The following DUSP29 variants were observed in gnomAD, a reference collection of about 807,000 sequenced individuals.
The protein encoded by DUSP29 is atypical dual-specific protein phosphatase.
A neutral mutation model predicts 13.5 loss-of-function variants in DUSP29; 12 were observed. The observed-to-expected ratio is 0.89, with a 90% CI of 0.57 to 1.44. DUSP29 has a LOEUF of 1.44. Among genes scored for constraint, DUSP29 ranks in the 40% most tolerant of loss-of-function variants. DUSP29 has a pLI of 0.00. For synonymous variants in DUSP29, 134 were observed against 128.7 expected (o/e 1.04, Z -0.28); for missense variants, 308 against 301.1 (o/e 1.02, Z -0.17).
Position 75,037,719 on chromosome 10 carries a change from T to G in DUSP29, c.*117A>C. 3 of 1,472,830 alleles carry G rather than the reference T, an allele frequency of 2.0e-6. No individual in the cohort carries two copies. The highest frequency in any genetic ancestry group is 2.7e-6 in the Non-Finnish European group (3 of 1,107,204). The allele number at this position is 1,472,830 out of a possible 1,614,324, so 91.2% of individuals were successfully genotyped here. On this transcript the variant is annotated 3_prime_UTR_variant, in exon 4 of 4. Coordinates refer to ENST00000338487, the MANE Select transcript of DUSP29 (RefSeq NM_001003892.3). ...GCACACATGGGGAAGTTGAACAAGATGGTTTGGAAGAGTCGAGCTTCGGTT... is the reference window on the plus strand; with the variant it reads ...GCACACATGGGGAAGTTGAACAAGAGGGTTTGGAAGAGTCGAGCTTCGGTT...
chr10:75,054,264 G>A (rs892862458), intron 2 of DUSP29, among the ~76,000 whole-genome samples: 11 of 152,016 alleles, frequency 7.2e-5, no homozygotes, highest in Non-Finnish European at 1.5e-4. Flanking sequence ...CCATTTCTAG[G>A]GTCAGATCTA....
At chr10:75,063,224 AT>A (rs1453497620) in intron 1 of DUSP29, among the ~76,000 whole-genome samples, 4 of 152,106 alleles carry the variant, frequency 2.6e-5, no homozygotes, top group Non-Finnish European at 4.4e-5. Flanking sequence ...TATTTTTATG[AT>A]CCTCATAGAT....
chr10:75,045,842 G>T (rs1001006106), intron 2 of DUSP29, among the ~76,000 whole-genome samples: 3 of 152,194 alleles, frequency 2.0e-5, no homozygotes, highest in Non-Finnish European at 4.4e-5. Context: ...AGACAAGGTG[G>T]CTCACACCTG....
chr10:75,053,354 G>T (rs1029446853), intron 2 of DUSP29, among the ~76,000 whole-genome samples: 1 of 152,146 alleles, frequency 6.6e-6, no homozygotes, highest in Non-Finnish European at 1.5e-5. Flanking sequence ...CAAAAGTCGA[G>T]CCTAGATCCA....
At chr10:75,058,198 T>C (rs1013267904) in intron 2 of DUSP29, 117 bp downstream of exon 2, 14 of 1,244,310 alleles carry the variant, frequency 1.1e-5, no homozygotes, top group South Asian at 9.1e-5. Context: ...CCCTAACTAA[T>C]TGAGTTCTCA....
At chr10:75,066,256 G>C (rs1052043282) in intron 1 of DUSP29, among the ~76,000 whole-genome samples, 1 of 152,178 alleles carries the variant, frequency 6.6e-6, no homozygotes, top group South Asian at 2.1e-4. Context: ...GAATAGCCAC[G>C]AGATTACTGA....
chr10:75,070,256 A>G (rs1291012484), intron 1 of DUSP29, among the ~76,000 whole-genome samples: 1 of 152,154 alleles, frequency 6.6e-6, no homozygotes, highest in African/African-American at 2.4e-5. Context: ...AATAGGACTC[A>G]ACCCAACAGC....
In DUSP29 at chr10:75,044,070, G is replaced by A. The variant is rs1022261434; in HGVS notation, c.201-53C>T. ...GCGCGCGGCGCCCTGCCCCGGGTCC[G>A]GGAAACTCAGGGGCCACCCACGCTT... is the stretch of plus-strand genomic sequence containing the variant. On this transcript the variant is annotated intron_variant, in intron 2 of 3. Coordinates refer to ENST00000338487, the MANE Select transcript of DUSP29 (RefSeq NM_001003892.3). 4.6e-6 allele frequency: 7 copies of A among 1,528,596 alleles called. No individual in the cohort carries two copies. In the Admixed American group the frequency reaches 7.5e-5, roughly 16 times the overall value. The allele number at this position is 1,528,596 out of a possible 1,614,324, so 94.7% of individuals were successfully genotyped here.
chr10:75,071,979 G>A (rs918676134), intron 1 of DUSP29, among the ~76,000 whole-genome samples: 2 of 152,220 alleles, frequency 1.3e-5, no homozygotes, highest in African/African-American at 2.4e-5. Context: ...GGAATGATGC[G>A]GAGTTTGGCC....
rs765683936 is a variant in DUSP29, at chr10:75,044,006, A to T, written c.212T>A (p.Leu71Gln). ...KLYIGDEATA[L>Q]DRYRLQKAGF... ...CGCCTTCTGCAGCCTATAGCGGTCCAGCGCCGTCGCCCTGGGCGCAGGGGA... is the reference window on the plus strand; with the variant it reads ...CGCCTTCTGCAGCCTATAGCGGTCCTGCGCCGTCGCCCTGGGCGCAGGGGA... The change falls in exon 3 of 4, where the codon CTG becomes CAG. Residue 71 changes from leucine to glutamine, a missense_variant. Transcript: ENST00000338487. 4 of 1,609,948 alleles carry T rather than the reference A, an allele frequency of 2.5e-6. No individual in the cohort carries two copies. The highest frequency in any genetic ancestry group is 3.4e-6 in the Non-Finnish European group (4 of 1,178,872).
At chr10:75,042,643 T>C (rs972120913) in intron 3 of DUSP29, among the ~76,000 whole-genome samples, 2 of 152,234 alleles carry the variant, frequency 1.3e-5, no homozygotes, top group East Asian at 3.8e-4. Context: ...AAATTGTTGG[T>C]GGCTATGGTT....
intron 2 of DUSP29, among the ~76,000 whole-genome samples, chr10:75,048,506 TCTC>T (rs1846752129): frequency 2.0e-5 from 3 of 151,932 alleles, no homozygotes; most frequent in Admixed American, 2.0e-4. Context: ...TTCAAGCAAT[TCTC>T]CTGCCTCAGC....
chr10:75,045,260 C>T (rs1846681716), intron 2 of DUSP29, among the ~76,000 whole-genome samples: 1 of 152,158 alleles, frequency 6.6e-6, no homozygotes, highest in Admixed American at 6.6e-5. Context: ...GTCCCAGCTA[C>T]TTGGGAGGCT....
chr10:75,067,355 C>T (rs186503218), intron 1 of DUSP29, among the ~76,000 whole-genome samples: 5 of 152,268 alleles, frequency 3.3e-5, no homozygotes, highest in Admixed American at 2.0e-4. Context: ...AAATCCACCT[C>T]GGAGTAGGGG....
At chr10:75,042,738 C>G (rs1298758720) in intron 3 of DUSP29, among the ~76,000 whole-genome samples, 1 of 152,242 alleles carries the variant, frequency 6.6e-6, no homozygotes, top group Non-Finnish European at 1.5e-5. Context: ...CCCCAGGTTG[C>G]AAGTTCCTGC....
At chr10:75,053,093 T>G (rs1005817945) in intron 2 of DUSP29, among the ~76,000 whole-genome samples, 1 of 152,226 alleles carries the variant, frequency 6.6e-6, no homozygotes, top group South Asian at 2.1e-4. Context: ...TGGCCCACCA[T>G]GGACTGCATT....
Position 75,067,240 on chromosome 10 carries a change from G to A in DUSP29, c.-35+6329C>T, listed in dbSNP as rs147028390. ...CTTCCAGAGTGCTGGGATTACAGGCGTGAGCCACTGCACCCGGCCTGAATT... is the reference window on the plus strand; with the variant it reads ...CTTCCAGAGTGCTGGGATTACAGGCATGAGCCACTGCACCCGGCCTGAATT... On this transcript the variant is annotated intron_variant, in intron 1 of 3. Transcript: ENST00000338487. Among the ~76,000 whole-genome samples the A allele has an allele frequency of 7.0e-3, 1,070 of 152,174 alleles. 7 individuals are homozygous for A. Among genetic ancestry groups the A allele is most frequent in the South Asian group, 0.012 (56 of 4,816 alleles).
chr10:75,037,771 GC>G lies in DUSP29; in HGVS notation c.*64del, dbSNP rs950834367. The G allele has an allele frequency of 2.7e-5, 42 of 1,539,296 alleles. No individual in the cohort carries two copies. In the African/African-American group the frequency reaches 4.9e-4, roughly 18 times the overall value. ...CACCATCCCTTCTCTGGAGTCCTAG[GC>G]CAGGGCTATGTTCTGCCTCTCCCCT... On this transcript the variant is annotated 3_prime_UTR_variant, in exon 4 of 4. Transcript: ENST00000338487.
intron 1 of DUSP29, among the ~76,000 whole-genome samples, chr10:75,068,092 C>T (rs1164250917): frequency 6.6e-6 from 1 of 152,200 alleles, no homozygotes; most frequent in African/African-American, 2.4e-5. Flanking sequence ...GGATTATAGG[C>T]ATGAGCCACT....
Sources: allele counts gnomAD v4.1 joint callset (sites outside exome capture counted in the v4.1 genomes callset), GRCh38; gene constraint gnomAD v4.1.1; transcripts MANE v1.5; gene names NCBI Gene and HGNC (gene_info 2026-07-23, HGNC 2026-07-21).